Variants in ZSCAN12 observed in about 807,000 individuals in gnomAD.
The protein encoded by ZSCAN12 is zinc finger and SCAN domain containing 12.
In ZSCAN12, 18 loss-of-function variants were observed where a neutral mutation model predicts 23.4. The ratio of observed to expected loss-of-function variants is 0.77; its 90% CI spans 0.53 to 1.14. The LOEUF (loss-of-function observed/expected upper bound fraction) is 1.14. Among genes scored for constraint, ZSCAN12 ranks in the 50% most tolerant of loss-of-function variants. The probability of loss-of-function intolerance (pLI) is 0.00; values close to 1 mark genes in which losing one functional copy is unlikely to be tolerated. For missense variants in ZSCAN12, 650 were observed against 735.0 expected (o/e 0.88, Z 1.34); for synonymous variants, 186 against 253.4 (o/e 0.73, Z 2.53).
rs1287136828 is a variant in ZSCAN12 at position 28,387,550 on chromosome 6, TA to T, written c.*2903del. On this transcript the variant is annotated 3_prime_UTR_variant, in exon 4 of 4. Coordinates refer to ENST00000684592, the MANE Select transcript of ZSCAN12 (RefSeq NM_001163391.2). ...AGTCCCCTCCACTGAGAAGAGTTTCTAACAGTGAAACAGCAAAAGAACTACC... is the reference window on the plus strand; with the variant it reads ...AGTCCCCTCCACTGAGAAGAGTTTCTACAGTGAAACAGCAAAAGAACTACC... 6.6e-6 allele frequency among the ~76,000 whole-genome samples: 1 copy of T among 152,206 alleles called. No homozygotes were observed. The highest frequency in any genetic ancestry group is 1.5e-5 in the Non-Finnish European group (1 of 68,036).
intron 2 of ZSCAN12, among the ~76,000 whole-genome samples, chr6:28,395,338 C>G (rs1329152474): frequency 6.6e-6 from 1 of 152,140 alleles, no homozygotes; most frequent in Non-Finnish European, 1.5e-5. Flanking sequence ...ATGTTCAGAC[C>G]AAATACTTCG....
In ZSCAN12 at chr6:28,390,744, G is replaced by A; in HGVS notation, c.1546C>T (p.Gln516Ter). ...FTQRSVLTEHQRIHTGERPYK... is the reference protein window; with the variant it reads ...FTQRSVLTEH ...GGCCTCTCTCCAGTGTGGATTCTCTGATGTTCCGTGAGGACTGATCTTTGA... is the reference window on the plus strand; with the variant it reads ...GGCCTCTCTCCAGTGTGGATTCTCTAATGTTCCGTGAGGACTGATCTTTGA... Residue 516 changes from glutamine to a stop codon, truncating the protein, a stop_gained, in exon 4 of 4, where the codon CAG becomes TAG. Coordinates refer to ENST00000684592, the MANE Select transcript of ZSCAN12 (RefSeq NM_001163391.2). LOFTEE classifies it low-confidence loss of function (END_TRUNC). 1 of 1,610,998 alleles carries A rather than the reference G, an allele frequency of 6.2e-7. No homozygotes were observed. Among genetic ancestry groups the A allele is most frequent in the Non-Finnish European group, 8.5e-7 (1 of 1,178,400 alleles).
At chr6:28,396,151 C>G (rs556391976) in intron 2 of ZSCAN12, among the ~76,000 whole-genome samples, 3 of 151,496 alleles carry the variant, frequency 2.0e-5, no homozygotes, top group African/African-American at 7.3e-5. Context: ...TCTCAAGTAG[C>G]TAGGACTACA....
In ZSCAN12 at chr6:28,398,440, A is replaced by G; in HGVS notation, c.-35T>C. ...GCTAGAACTACCGGTGTTTCAAGTA[A>G]GATCTCACCTGGAAACTGTATTCCT... On this transcript the variant is annotated 5_prime_UTR_variant, in exon 2 of 4. Transcript: ENST00000684592. 1 of 1,500,574 alleles carries G rather than the reference A, an allele frequency of 6.7e-7. No homozygotes were observed. The highest frequency in any genetic ancestry group is 8.9e-7 in the Non-Finnish European group (1 of 1,119,970). 93.0% of individuals were successfully genotyped at this position (1,500,574 alleles called of 1,614,324 possible). A position where few individuals can be genotyped will look rare whatever the true frequency, so the allele number is the denominator to read the frequency against.
chr6:28,390,859 G>A lies in ZSCAN12; in HGVS notation c.1431C>T (p.Ala477=), dbSNP rs560025155. 3.2e-6 allele frequency: 5 copies of A among 1,582,610 alleles called. No homozygotes were observed. The highest frequency in any genetic ancestry group is 4.3e-6 in the Non-Finnish European group (5 of 1,163,824). ...CTGTAAGACTTGTCCTTTGAATAAA[G>A]GCTTTTTCACATACGTCACATTTGT... The part of the protein sequence containing the change: ...KPYKCDVCEK[A]FIQRTSLTEH... Residue 477 remains alanine (A), a synonymous_variant, in exon 4 of 4, where the codon GCC becomes GCT. Transcript: ENST00000684592.
At chr6:28,395,892 CCTT>C (rs900974980) in intron 2 of ZSCAN12, among the ~76,000 whole-genome samples, 20 of 152,162 alleles carry the variant, frequency 1.3e-4, no homozygotes, top group Admixed American at 9.8e-4. Flanking sequence ...ATCTGAAAAA[CCTT>C]CTCTGACAAG....
At position 28,387,602 on chromosome 6, in the gene ZSCAN12, G is replaced by C. The variant is rs1760614115; in HGVS notation, c.*2852C>G. The stretch of plus-strand genomic sequence containing the variant: ...ATAACTAACTCCATTTTTGTTTAAG[G>C]ACCCTTTACCTATTCCTCCATGTAG... On this transcript the variant is annotated 3_prime_UTR_variant, in exon 4 of 4. Transcript: ENST00000684592. Among the ~76,000 whole-genome samples the C allele has an allele frequency of 6.6e-6, 1 of 152,120 alleles. No individual in the cohort carries two copies. The highest frequency in any genetic ancestry group is 6.5e-5 in the Admixed American group (1 of 15,280).
At chr6:28,383,216 A>G (rs192839638), downstream of ZSCAN12, among the ~76,000 whole-genome samples, 67 of 152,260 alleles carry the variant, frequency 4.4e-4, no homozygotes, top group African/African-American at 1.5e-3. Context: ...CCTTTCACCA[A>G]ACGGGGAACC....
In ZSCAN12 at chr6:28,398,415, G is replaced by A; in HGVS notation, c.-10C>T. 6.5e-7 allele frequency: 1 copy of A among 1,528,538 alleles called. No individual in the cohort carries two copies. The highest frequency in any genetic ancestry group is 1.7e-4 in the Middle Eastern group (1 of 5,874). The allele number at this position is 1,528,538 out of a possible 1,614,324, so 94.7% of individuals were successfully genotyped here. ...CCCAAGTAGATGCCATTTTAGCTGT[G>A]CTAGAACTACCGGTGTTTCAAGTAA... On this transcript the variant is annotated 5_prime_UTR_variant, in exon 2 of 4. Coordinates refer to ENST00000684592, the MANE Select transcript of ZSCAN12 (RefSeq NM_001163391.2).
At position 28,391,422 on chromosome 6, in the gene ZSCAN12, T is replaced by C. The variant is rs1032532482; in HGVS notation, c.868A>G (p.Ile290Val). Reference sequence around the variant, plus strand: ...CCAGTATGGATCCTCTGATGTTCTATGAGGTGTGAGTGCTGACTAAAAGCT... The same window carrying C: ...CCAGTATGGATCCTCTGATGTTCTACGAGGTGTGAGTGCTGACTAAAAGCT... ...GKAFSQHSHL[I>V]EHQRIHTGDR... Residue 290 changes from isoleucine to valine, a missense_variant, in exon 4 of 4, where the codon ATA becomes GTA. Transcript: ENST00000684592. This position sits in a 1 kb window ranked among gnomAD's most constrained non-coding sequence, Gnocchi z 4.1. 6.4e-7 allele frequency: 1 copy of C among 1,551,434 alleles called. No individual in the cohort carries two copies. The highest frequency in any genetic ancestry group is 8.7e-7 in the Non-Finnish European group (1 of 1,146,748).
chr6:28,391,230 C>G lies in ZSCAN12; in HGVS notation c.1060G>C (p.Gly354Arg), dbSNP rs1237534958. Residue 354 changes from glycine (G) to arginine (R), a missense_variant, in exon 4 of 4, where the codon GGA becomes CGA. Physicochemically the swap from Gly to Arg is moderately radical, Grantham distance 125. Coordinates refer to ENST00000684592, the MANE Select transcript of ZSCAN12 (RefSeq NM_001163391.2). This position sits in a 1 kb window ranked among gnomAD's most constrained non-coding sequence, Gnocchi z 4.1. ...TCATTACAGTGATAGTGTTTTTCTCCTGTGTGAAGTCTCTGATGTTGGTTA... is the reference window on the plus strand; with the variant it reads ...TCATTACAGTGATAGTGTTTTTCTCGTGTGTGAAGTCTCTGATGTTGGTTA... ...ALNQHQRLHT[G>R]EKHYHCNDCG... is the part of the protein sequence containing the mutation. The G allele has an allele frequency of 1.9e-6, 3 of 1,551,886 alleles. No homozygotes were observed. Among genetic ancestry groups the G allele is most frequent in the Non-Finnish European group, 2.6e-6 (3 of 1,147,042 alleles).
downstream of ZSCAN12, among the ~76,000 whole-genome samples, chr6:28,383,192 A>G (rs72854546): frequency 0.041 from 6,220 of 152,280 alleles, 189 homozygotes; most frequent in Non-Finnish European, 0.063. Flanking sequence ...ATTTCCCCAA[A>G]TGAACCCAAC....
In ZSCAN12 at chr6:28,389,136, A is replaced by T. The variant is rs1251860347; in HGVS notation, c.*1318T>A. Among the ~76,000 whole-genome samples the T allele has an allele frequency of 1.3e-5, 2 of 152,240 alleles. No individual in the cohort carries two copies. Among genetic ancestry groups the T allele is most frequent in the Non-Finnish European group, 2.9e-5 (2 of 68,044 alleles). The stretch of plus-strand genomic sequence containing the variant: ...GAGCCATTATTAGGGAATTCAGAAC[A>T]TAGTGCTAACATGAGATCTGAGAAA... On this transcript the variant is annotated 3_prime_UTR_variant, in exon 4 of 4. Coordinates refer to ENST00000684592, the MANE Select transcript of ZSCAN12 (RefSeq NM_001163391.2).
At position 28,390,738 on chromosome 6, in the gene ZSCAN12, T is replaced by G; in HGVS notation, c.1552A>C (p.Ile518Leu). ...QRSVLTEHQR[I>L]HTGERPYKCD... ...TTGTAGGGCCTCTCTCCAGTGTGGA[T>G]TCTCTGATGTTCCGTGAGGACTGAT... The change falls in exon 4 of 4, where the codon ATC (isoleucine) becomes CTC (leucine). Residue 518 changes from isoleucine to leucine, a missense_variant. By Grantham distance (5) the Ile-to-Leu change is conservative. Transcript: ENST00000684592. 6.2e-7 allele frequency: 1 copy of G among 1,611,624 alleles called. No individual in the cohort carries two copies. The highest frequency in any genetic ancestry group is 8.5e-7 in the Non-Finnish European group (1 of 1,178,732).
chr6:28,397,617 A>AT (rs1222400131), intron 2 of ZSCAN12, among the ~76,000 whole-genome samples: 1 of 152,164 alleles, frequency 6.6e-6, no homozygotes, highest in Non-Finnish European at 1.5e-5. Flanking sequence ...AAACCCTGTA[A>AT]TGGAGTCAGA....
At position 28,388,892 on chromosome 6, in the gene ZSCAN12, G is replaced by A. The variant is rs1760677955; in HGVS notation, c.*1562C>T. Among the ~76,000 whole-genome samples the A allele has an allele frequency of 6.6e-6, 1 of 152,186 alleles. No individual in the cohort carries two copies. Among genetic ancestry groups the A allele is most frequent in the South Asian group, 2.1e-4 (1 of 4,828 alleles). ...TTTCTGTAAATAAAAAGACAGATCAGGAGCCATGTGTACTTCCATGTGGCT... is the reference window on the plus strand; with the variant it reads ...TTTCTGTAAATAAAAAGACAGATCAAGAGCCATGTGTACTTCCATGTGGCT... On this transcript the variant is annotated 3_prime_UTR_variant, in exon 4 of 4. Transcript: ENST00000684592.
In ZSCAN12 at chr6:28,389,407, T is replaced by G. The variant is rs1760704208; in HGVS notation, c.*1047A>C. On this transcript the variant is annotated 3_prime_UTR_variant, in exon 4 of 4. Transcript: ENST00000684592. ...GTTCCCTGTAAGGATCTCCTTGTGC[T>G]AAAAGTCTGCAGTGGCCTTTAGTTT... 1.3e-5 allele frequency among the ~76,000 whole-genome samples: 2 copies of G among 152,246 alleles called. No homozygotes were observed. Among genetic ancestry groups the G allele is most frequent in the South Asian group, 4.1e-4 (2 of 4,828 alleles).
chr6:28,398,595 A>G (rs1761247420), intron 1 of ZSCAN12, 122 bp from the exon 2 acceptor site: 2 of 547,340 alleles, frequency 3.7e-6, no homozygotes, highest in South Asian at 3.6e-5. Flanking sequence ...CTTACTCAGA[A>G]AAATACTCTG....
rs1760543101 is a variant in ZSCAN12 at position 28,386,418 on chromosome 6, A to G, written c.*4036T>C. The stretch of plus-strand genomic sequence containing the variant: ...CTTTTATATTCTTCGTTTCCATCCC[A>G]CCCCGTTATTGTTATTTCAAAATCC... On this transcript the variant is annotated 3_prime_UTR_variant, in exon 4 of 4. Transcript: ENST00000684592. Among the ~76,000 whole-genome samples, 1 of 151,840 alleles carries G rather than the reference A, an allele frequency of 6.6e-6. No homozygotes were observed. Among genetic ancestry groups the G allele is most frequent in the African/African-American group, 2.4e-5 (1 of 41,316 alleles).
Sources: allele counts gnomAD v4.1 joint callset (sites outside exome capture counted in the v4.1 genomes callset), GRCh38; gene constraint gnomAD v4.1.1; non-coding constraint Gnocchi (gnomAD v3.1); transcripts MANE v1.5; gene names NCBI Gene and HGNC (gene_info 2026-07-23, HGNC 2026-07-21).